LMCD1: variants seen among roughly 807,000 people sequenced by gnomAD.
The protein encoded by LMCD1 is LIM and cysteine-rich domains protein 1.
LMCD1 carries 32 observed loss-of-function variants against 42.7 expected under a neutral mutation model. The ratio of observed to expected loss-of-function variants is 0.75; its 90% CI spans 0.57 to 1.01. The LOEUF (loss-of-function observed/expected upper bound fraction) is 1.01, where lower values mean the gene tolerates loss of function less well. Among genes scored for constraint, LMCD1 ranks in the 50% least tolerant of loss-of-function variants. The pLI is 0.00. For missense variants in LMCD1, 458 were observed against 483.1 expected, an observed-to-expected ratio of 0.95 and a Z score of 0.49; for synonymous variants, 178 against 184.9, an observed-to-expected ratio of 0.96 and a Z score of 0.30.
At chr3:8,546,817 C>T (rs67977289) in intron 3 of LMCD1, among the ~76,000 whole-genome samples, 17,146 of 152,024 alleles carry the variant, frequency 0.11, 1,137 homozygotes, top group South Asian at 0.22. Context: ...GAGAAGAGAG[C>T]GCCGAGTGGG....
chr3:8,548,299 C>G (rs1394459876), intron 3 of LMCD1, among the ~76,000 whole-genome samples: 1 of 152,072 alleles, frequency 6.6e-6, no homozygotes, highest in African/African-American at 2.4e-5. Context: ...CACAAGGTAG[C>G]TAAGGGATGC....
chr3:8,517,302 G>A (rs1694118424), intron 1 of LMCD1, among the ~76,000 whole-genome samples: 1 of 152,198 alleles, frequency 6.6e-6, no homozygotes, highest in Admixed American at 6.5e-5. Flanking sequence ...CCCCCAAGTT[G>A]TGTGTATAAT....
chr3:8,536,825 C>T (rs1455836500), intron 2 of LMCD1, among the ~76,000 whole-genome samples: 1 of 152,108 alleles, frequency 6.6e-6, no homozygotes, highest in Non-Finnish European at 1.5e-5. Flanking sequence ...TTTACAAGAG[C>T]AGATTGTGGG....
intron 2 of LMCD1, among the ~76,000 whole-genome samples, chr3:8,535,044 T>C (rs1694484325): frequency 6.6e-6 from 1 of 152,188 alleles, no homozygotes; most frequent in Admixed American, 6.5e-5. Flanking sequence ...TCTAGTTCCA[T>C]TTATGGAAAG....
intron 1 of LMCD1, among the ~76,000 whole-genome samples, chr3:8,531,201 A>G (rs1299303639): frequency 1.3e-5 from 2 of 152,226 alleles, no homozygotes; most frequent in Non-Finnish European, 2.9e-5. Context: ...GTAGACTAGT[A>G]GCATCCAAAG....
intron 4 of LMCD1, among the ~76,000 whole-genome samples, chr3:8,558,975 A>C (rs1405516806): frequency 3.3e-5 from 5 of 151,964 alleles, no homozygotes; most frequent in Non-Finnish European, 7.4e-5. Context: ...GATATGTTTT[A>C]ACCAGCCCTC....
intron 3 of LMCD1, among the ~76,000 whole-genome samples, chr3:8,543,010 C>G (rs1694656463): frequency 6.6e-6 from 1 of 152,208 alleles, no homozygotes; most frequent in East Asian, 1.9e-4. Context: ...TGAGCCGAAT[C>G]AGCCTGGATG....
chr3:8,528,856 G>A (rs1356057894), intron 1 of LMCD1, among the ~76,000 whole-genome samples: 1 of 151,998 alleles, frequency 6.6e-6, no homozygotes, highest in East Asian at 1.9e-4. Flanking sequence ...GCATCCCCAG[G>A]GGTCTCCTGG....
rs757029968 is a variant in LMCD1 at position 8,532,851 on chromosome 3, C to T, written c.131+26C>T. On this transcript the variant is annotated intron_variant, in intron 2 of 5. Transcript: ENST00000157600. ...GTAACAGATTTTGTCAGGAGGGTCC[C>T]TGTCTGCCTTTGTTACTTGGCTGTC... The T allele has an allele frequency of 9.4e-6, 15 of 1,590,958 alleles. No homozygotes were observed. The Admixed American group carries it at 2.5e-4, about 27-fold the overall frequency.
intron 4 of LMCD1, among the ~76,000 whole-genome samples, chr3:8,553,325 G>T (rs181078127): frequency 2.6e-5 from 4 of 152,322 alleles, no homozygotes; most frequent in African/African-American, 9.6e-5. Flanking sequence ...GGCAGGGTCA[G>T]CCTGCCAAGT....
Position 8,537,249 on chromosome 3 carries a change from G to T in LMCD1, c.196G>T (p.Asp66Tyr), listed in dbSNP as rs1271392091. 3 of 1,613,990 alleles carry T rather than the reference G, an allele frequency of 1.9e-6. No individual in the cohort carries two copies. The highest frequency in any genetic ancestry group is 1.7e-6 in the Non-Finnish European group (2 of 1,180,032). Residue 66 changes from aspartate to tyrosine, a missense_variant, in exon 3 of 6, where the codon GAT becomes TAT. Coordinates refer to ENST00000157600, the MANE Select transcript of LMCD1 (RefSeq NM_014583.4). ...CTGCCTAACATCTGACCTAGAAGACGATCGGAAAATTGGCCGCTTGCTGAT... is the reference window on the plus strand; with the variant it reads ...CTGCCTAACATCTGACCTAGAAGACTATCGGAAAATTGGCCGCTTGCTGAT... The part of the protein sequence containing the change: ...DHCLTSDLED[D>Y]RKIGRLLMDS...
chr3:8,513,522 A>G (rs879117115), intron 1 of LMCD1, among the ~76,000 whole-genome samples: 3 of 152,176 alleles, frequency 2.0e-5, no homozygotes, highest in Admixed American at 6.5e-5. Flanking sequence ...TAAAGCACCA[A>G]GAGAAGAACT....
At chr3:8,558,042 G>C (rs1371209415) in intron 4 of LMCD1, among the ~76,000 whole-genome samples, 2 of 152,172 alleles carry the variant, frequency 1.3e-5, no homozygotes, top group African/African-American at 4.8e-5. Context: ...TCAGCTGAGG[G>C]CTCCCAAGGT....
chr3:8,533,105 G>C (rs945982099), intron 2 of LMCD1, among the ~76,000 whole-genome samples: 1 of 152,120 alleles, frequency 6.6e-6, no homozygotes, highest in Non-Finnish European at 1.5e-5. Context: ...GAATTGCTCT[G>C]GGAAGACCCA....
At chr3:8,565,677 G>T (rs144252914) in intron 5 of LMCD1, 30 bp downstream of exon 5, 2 of 1,549,368 alleles carry the variant, frequency 1.3e-6, no homozygotes, top group Non-Finnish European at 1.7e-6. Context: ...TGGGTTAGGG[G>T]GCTTGAGGGA....
chr3:8,532,635 C>T, intron 1 of LMCD1, 102 bp from the exon 2 acceptor site: 1 of 939,152 alleles, frequency 1.1e-6, no homozygotes, highest in Admixed American at 1.8e-5. Flanking sequence ...CCTTTGAACC[C>T]CACACAGTCC....
rs935965159 is a variant in LMCD1 at position 8,571,900 on chromosome 3, C to T, written c.*4302C>T. The T allele has an allele frequency of 1.3e-5, 2 of 152,154 alleles. No homozygotes were observed. The highest frequency in any genetic ancestry group is 2.9e-5 in the Non-Finnish European group (2 of 68,022). 9.4% of individuals were successfully genotyped at this position (152,154 alleles called of 1,614,324 possible). ...TCTTGAATATTTTCGTGTGTAATTC[C>T]TACAAATAAGGACATTCTCCCACAT... On this transcript the variant is annotated 3_prime_UTR_variant, in exon 6 of 6. Coordinates refer to ENST00000157600, the MANE Select transcript of LMCD1 (RefSeq NM_014583.4).
chr3:8,563,873 T>C (rs1695083056), intron 4 of LMCD1, among the ~76,000 whole-genome samples: 3 of 152,216 alleles, frequency 2.0e-5, no homozygotes, highest in African/African-American at 7.2e-5. Flanking sequence ...TGCCCCGTGA[T>C]CTTCCTCCCA....
chr3:8,545,220 T>C (rs1477581559), intron 3 of LMCD1, among the ~76,000 whole-genome samples: 2 of 152,192 alleles, frequency 1.3e-5, no homozygotes, highest in African/African-American at 4.8e-5. Flanking sequence ...TAGACAAGGT[T>C]GACTTTTTTT....
Sources: gnomAD v4.1 joint callset for allele counts (sites outside exome capture counted in the v4.1 genomes callset) on GRCh38, gnomAD v4.1.1 for gene constraint, MANE v1.5 for transcripts, NCBI Gene and HGNC (gene_info 2026-07-23, HGNC 2026-07-21) for gene names.